SLC37A2: variants seen among roughly 807,000 people sequenced by gnomAD.
SLC37A2 encodes the protein glucose-6-phosphate exchanger SLC37A2.
In SLC37A2, 59 loss-of-function variants were observed where a neutral mutation model predicts 70.7. The ratio of observed to expected loss-of-function variants is 0.83; its 90% CI spans 0.68 to 1.04. The LOEUF is 1.04. SLC37A2 is among the 50% of genes least tolerant of loss of function. SLC37A2 has a pLI of 0.00. For synonymous variants in SLC37A2, 257 were observed against 262.1 expected (o/e 0.98, Z 0.19); for missense variants, 580 against 658.1 (o/e 0.88, Z 1.30).
Position 125,065,659 on chromosome 11 carries a change from G to A in SLC37A2, c.59+2233G>A, listed in dbSNP as rs1591625222. 2.0e-5 allele frequency among the ~76,000 whole-genome samples: 3 copies of A among 152,206 alleles called. No individual in the cohort carries two copies. In the South Asian group the frequency reaches 6.2e-4, roughly 32 times the overall value. ...AGAGTGAACCTCAGTTTTTAGAGGA[G>A]GCTGGTTGTATCTGATTAAATAGGC... is the stretch of plus-strand genomic sequence containing the variant. On this transcript the variant is annotated intron_variant, in intron 1 of 17. Coordinates refer to ENST00000403796, the MANE Select transcript of SLC37A2 (RefSeq NM_001145290.2).
At chr11:125,082,968 T>C (rs2135574526) in intron 10 of SLC37A2, among the ~76,000 whole-genome samples, 1 of 152,310 alleles carries the variant, frequency 6.6e-6, no homozygotes, top group Non-Finnish European at 1.5e-5. Flanking sequence ...TGCTTTTCCA[T>C]AGGTCAGGCT....
intron 5 of SLC37A2, 85 bp downstream of exon 5, chr11:125,079,332 T>A: frequency 3.2e-6 from 5 of 1,543,406 alleles, no homozygotes; most frequent in Non-Finnish European, 4.5e-6. Context: ...GGTGGGAGCC[T>A]GTGTTCCTGG....
chr11:125,089,328 G>T lies in SLC37A2; in HGVS notation c.*1194G>T, dbSNP rs1057500450. 2 of 155,140 alleles carry T rather than the reference G, an allele frequency of 1.3e-5. No individual in the cohort carries two copies. The highest frequency in any genetic ancestry group is 2.8e-5 in the Non-Finnish European group (2 of 70,380). 9.6% of individuals were successfully genotyped at this position (155,140 alleles called of 1,614,324 possible). A position where few individuals can be genotyped will look rare whatever the true frequency, so the allele number is the denominator to read the frequency against. ...TGGGGTCTCAGTGAGGGGTGACAGCGTGCTGGCAGTCCTCACAGCCCTCGC... is the reference window on the plus strand; with the variant it reads ...TGGGGTCTCAGTGAGGGGTGACAGCTTGCTGGCAGTCCTCACAGCCCTCGC... On this transcript the variant is annotated 3_prime_UTR_variant, in exon 18 of 18. Coordinates refer to ENST00000403796, the MANE Select transcript of SLC37A2 (RefSeq NM_001145290.2).
intron 10 of SLC37A2, among the ~76,000 whole-genome samples, chr11:125,082,775 CCCTGGTGGTCTTCTCCCCGTGGGA>C (rs1350239567): frequency 1.3e-5 from 2 of 152,122 alleles, no homozygotes; most frequent in African/African-American, 4.8e-5. Context: ...CTGGTGGTGA[CCCTGGTGGTCTTCTCCCCGTGGGA>C]CCTAATGTGA....
rs1451964023 is a variant in SLC37A2 at position 125,077,250 on chromosome 11, C to T, written c.162C>T (p.Cys54=). 3 of 1,602,538 alleles carry T rather than the reference C, an allele frequency of 1.9e-6. No individual in the cohort carries two copies. The highest frequency in any genetic ancestry group is 2.7e-5 in the African/African-American group (2 of 74,576). The change falls in exon 3 of 18, where the codon TGC becomes TGT. Residue 54 remains cysteine, a synonymous_variant. Coordinates refer to ENST00000403796, the MANE Select transcript of SLC37A2 (RefSeq NM_001145290.2). ...TCCAGAGCCGTCTGCACCAGAACTG[C>T]TCGGAGCAGATCAAACCCATCAATG... The part of the protein sequence containing the change: ...SIVKSRLHQN[C]SEQIKPINDT...
chr11:125,085,314 C>T, intron 14 of SLC37A2, 81 bp from the exon 15 acceptor site: 1 of 1,434,246 alleles, frequency 7.0e-7, no homozygotes, highest in East Asian at 2.4e-5. Context: ...TACCACCTTC[C>T]CTGAGTCAGC....
chr11:125,086,085 C>T, intron 17 of SLC37A2, 67 bp downstream of exon 17: 1 of 1,560,442 alleles, frequency 6.4e-7, no homozygotes, highest in Non-Finnish European at 8.8e-7. Context: ...GCCCAGCGCT[C>T]AGTTTCTCCA....
At chr11:125,068,303 C>T (rs140320247) in intron 1 of SLC37A2, among the ~76,000 whole-genome samples, 10 of 152,320 alleles carry the variant, frequency 6.6e-5, no homozygotes, top group Admixed American at 2.0e-4. Context: ...ACATTCTTGA[C>T]GTCTTGTGGC....
intron 1 of SLC37A2, among the ~76,000 whole-genome samples, chr11:125,066,492 T>C (rs1270656153): frequency 6.6e-6 from 1 of 152,230 alleles, no homozygotes; most frequent in East Asian, 1.9e-4. Context: ...ATAAAAACTA[T>C]CTGTAGGTGA....
chr11:125,083,916 C>T lies in SLC37A2; in HGVS notation c.1039+39C>T, dbSNP rs759710546. ...CTGCTCTGCCAGCAGGCTCCCTTCC[C>T]CTCTTTTCTTGTGGGGTGCAGGAAG... On this transcript the variant is annotated intron_variant, in intron 11 of 17. Transcript: ENST00000403796. The surrounding 1 kb of genome is among the most constrained non-coding windows in gnomAD (Gnocchi z 4.6). 2.5e-6 allele frequency: 4 copies of T among 1,600,046 alleles called. No individual in the cohort carries two copies. The highest frequency in any genetic ancestry group is 2.6e-6 in the Non-Finnish European group (3 of 1,167,386).
intron 1 of SLC37A2, among the ~76,000 whole-genome samples, chr11:125,073,563 G>A (rs188730484): frequency 7.9e-4 from 121 of 152,350 alleles, no homozygotes; most frequent in Non-Finnish European, 1.5e-3. Context: ...GCGCCCTCTG[G>A]GCATCAGGAA....
At position 125,072,635 on chromosome 11, in the gene SLC37A2, AGAG is replaced by A. The variant is rs560225449; in HGVS notation, c.60-4118_60-4116del. Among the ~76,000 whole-genome samples, 31 of 152,322 alleles carry A rather than the reference AGAG, an allele frequency of 2.0e-4. 1 individual carries two copies. In the South Asian group the frequency reaches 6.0e-3, roughly 29 times the overall value. ...TTGATTCACGAGGGAAGGACTGGTG[AGAG>A]GAGAAGTGAAACCTGCGGGTTCTAA... On this transcript the variant is annotated intron_variant, in intron 1 of 17. Transcript: ENST00000403796.
Position 125,085,457 on chromosome 11 carries a change from C to A in SLC37A2, c.1311C>A (p.Asp437Glu), listed in dbSNP as rs149315348. 1.2e-6 allele frequency: 2 copies of A among 1,613,792 alleles called. No homozygotes were observed. Among genetic ancestry groups the A allele is most frequent in the Non-Finnish European group, 1.7e-6 (2 of 1,179,958 alleles). The part of the protein sequence containing the change: ...KALSTVTAII[D>E]GTGSIGAALG... ...TGTCCACGGTCACGGCCATCATTGA[C>A]GGCACCGGCTCCATAGGTCTGTGAC... Residue 437 changes from aspartate to glutamate, a missense_variant, in exon 15 of 18, where the codon GAC (aspartate) becomes GAA (glutamate). Coordinates refer to ENST00000403796, the MANE Select transcript of SLC37A2 (RefSeq NM_001145290.2).
intron 11 of SLC37A2, 131 bp downstream of exon 11, chr11:125,084,008 A>C (rs1949177269): frequency 9.9e-7 from 1 of 1,010,552 alleles, no homozygotes; most frequent in Non-Finnish European, 1.5e-6. Flanking sequence ...TCCTGGGTTT[A>C]TTCTCAGCTC....
rs755682443 is a variant in SLC37A2, at chr11:125,077,479, G to T, written c.265G>T (p.Gly89Cys). 1.9e-6 allele frequency: 3 copies of T among 1,613,924 alleles called. No individual in the cohort carries two copies. Among genetic ancestry groups the T allele is most frequent in the Admixed American group, 1.7e-5 (1 of 59,996 alleles). Residue 89 changes from glycine to cysteine, a missense_variant, in exon 4 of 18, where the codon GGC (glycine) becomes TGC (cysteine). Transcript: ENST00000403796. Reference protein sequence around the residue: ...DKDNYKELLGGVDNAFLIAYA... With the variant: ...DKDNYKELLGCVDNAFLIAYA... ...GGACAACTATAAGGAGTTACTAGGG[G>T]GCGTGGACAACGCCTTCCTCATCGC... is the stretch of plus-strand genomic sequence containing the variant.
At chr11:125,078,100 G>A (rs927760214) in intron 4 of SLC37A2, among the ~76,000 whole-genome samples, 4 of 152,212 alleles carry the variant, frequency 2.6e-5, no homozygotes, top group African/African-American at 9.6e-5. Context: ...TGGATGAGAT[G>A]GTGCCTGACC....
Position 125,084,397 on chromosome 11 carries a change from C to T in SLC37A2, c.1125+78C>T, listed in dbSNP as rs1035208752. The T allele has an allele frequency of 2.2e-6, 3 of 1,346,052 alleles. No individual in the cohort carries two copies. The African/African-American group carries it at 4.3e-5, about 19-fold the overall frequency. 83.4% of individuals were successfully genotyped at this position (1,346,052 alleles called of 1,614,324 possible). On this transcript the variant is annotated intron_variant, in intron 12 of 17. Coordinates refer to ENST00000403796, the MANE Select transcript of SLC37A2 (RefSeq NM_001145290.2). The stretch of plus-strand genomic sequence containing the variant: ...TGGGCCTCTGGCCTATGTGCACGTC[C>T]ACGCGTTACACACATTGATGTCGCT...
intron 2 of SLC37A2, 89 bp downstream of exon 2, chr11:125,076,927 C>T (rs12276295): frequency 0.27 from 344,295 of 1,265,240 alleles, 48,955 homozygotes; most frequent in African/African-American, 0.41. Flanking sequence ...GTTGCACCTT[C>T]ACCTGGCAGG....
chr11:125,084,923 TG>T, intron 13 of SLC37A2, 50 bp downstream of exon 13: 2 of 1,610,238 alleles, frequency 1.2e-6, no homozygotes, highest in African/African-American at 2.7e-5. Context: ...GGCACTGCCT[TG>T]GGGGCCCCAT....
Sources: allele counts gnomAD v4.1 joint callset (sites outside exome capture counted in the v4.1 genomes callset), GRCh38; gene constraint gnomAD v4.1.1; non-coding constraint Gnocchi (gnomAD v3.1); transcripts MANE v1.5; gene names NCBI Gene and HGNC (gene_info 2026-07-23, HGNC 2026-07-21).